Variants in GRAMD4 observed in about 807,000 individuals in gnomAD.
GRAMD4 encodes GRAM domain containing 4.
GRAMD4 carries 25 observed loss-of-function variants against 83.9 expected under a neutral mutation model. The ratio of observed to expected loss-of-function variants is 0.30; its 90% CI spans 0.22 to 0.42. The LOEUF is 0.42. Among genes scored for constraint, GRAMD4 ranks in the 10% least tolerant of loss-of-function variants. The probability of loss-of-function intolerance (pLI) is 1.00; values close to 1 mark genes in which losing one functional copy is unlikely to be tolerated. For missense variants in GRAMD4, 593 were observed against 788.7 expected (o/e 0.75, Z 2.97); for synonymous variants, 336 against 320.9 (o/e 1.05, Z -0.50).
At chr22:46,591,448 A>G (rs1009124581) in intron 1 of GRAMD4, among the ~76,000 whole-genome samples, 11 of 152,170 alleles carry the variant, frequency 7.2e-5, no homozygotes, top group Non-Finnish European at 1.5e-4. Context: ...TGTTTTGGAC[A>G]GATTTACCAA....
chr22:46,648,347 TG>T (rs2082101214), intron 3 of GRAMD4, among the ~76,000 whole-genome samples: 1 of 150,696 alleles, frequency 6.6e-6, no homozygotes, highest in African/African-American at 2.5e-5. Flanking sequence ...GATGGATGGA[TG>T]GATGGATGGA....
intron 1 of GRAMD4, among the ~76,000 whole-genome samples, chr22:46,582,590 A>G (rs2081108898): frequency 6.6e-6 from 1 of 152,044 alleles, no homozygotes; most frequent in Non-Finnish European, 1.5e-5. Flanking sequence ...GCGGCACCTC[A>G]TTATGCCTGG....
chr22:46,672,668 G>A lies in GRAMD4; in HGVS notation c.1085-175G>A, dbSNP rs2082528253. On this transcript the variant is annotated intron_variant, in intron 13 of 18. Transcript: ENST00000406902. The surrounding 1 kb of genome is among the most constrained non-coding windows in gnomAD (Gnocchi z 4.7). ...CTGTGCAGCACGAATGGGCCCCAGG[G>A]GAGCGAGGCTGGGGGTATCCAGGGT... Among the ~76,000 whole-genome samples, 1 of 152,028 alleles carries A rather than the reference G, an allele frequency of 6.6e-6. No homozygotes were observed. Among genetic ancestry groups the A allele is most frequent in the Non-Finnish European group, 1.5e-5 (1 of 67,994 alleles).
At position 46,624,349 on chromosome 22, in the gene GRAMD4, T is replaced by C. The variant is rs796823393; in HGVS notation, c.-49-2402T>C. ...CTTTTTTTTTTTTTTTTTTTTTTTTTCTGAGACGGAGTCTCACTGCCCAGG... is the reference window on the plus strand; with the variant it reads ...CTTTTTTTTTTTTTTTTTTTTTTTTCCTGAGACGGAGTCTCACTGCCCAGG... On this transcript the variant is annotated intron_variant, in intron 1 of 18. Transcript: ENST00000406902. Among the ~76,000 whole-genome samples, 296 of 130,070 alleles carry C rather than the reference T, an allele frequency of 2.3e-3. 1 individual carries two copies. The highest frequency in any genetic ancestry group is 4.0e-3 in the African/African-American group (126 of 31,580). The allele number at this position is 130,070 out of a possible 152,430, so 85.3% of individuals were successfully genotyped here.
chr22:46,625,888 C>T (rs2081650409), intron 1 of GRAMD4, among the ~76,000 whole-genome samples: 2 of 152,224 alleles, frequency 1.3e-5, no homozygotes, highest in South Asian at 2.1e-4. Context: ...GTGTGAATTA[C>T]GCGTGTCCTG....
rs951091824 is a variant in GRAMD4 at position 46,679,334 on chromosome 22, G to A, written c.*2083G>A. 5.1e-6 allele frequency: 5 copies of A among 984,930 alleles called. No individual in the cohort carries two copies. Among genetic ancestry groups the A allele is most frequent in the Admixed American group, 6.1e-5 (1 of 16,268 alleles). 61.0% of individuals were successfully genotyped at this position (984,930 alleles called of 1,614,324 possible). Reference sequence around the variant, plus strand: ...AGAAAGGGAGATGAAAACTGACCACGTGCCAGGTGTGGCCGAAGCCCCCAG... The same window carrying A: ...AGAAAGGGAGATGAAAACTGACCACATGCCAGGTGTGGCCGAAGCCCCCAG... On this transcript the variant is annotated 3_prime_UTR_variant, in exon 19 of 19. Transcript: ENST00000406902.
chr22:46,666,730 C>G, intron 9 of GRAMD4, 95 bp from the exon 10 acceptor site: 1 of 1,072,946 alleles, frequency 9.3e-7, no homozygotes. Flanking sequence ...AGGGCCCCCT[C>G]CAAGCCCAGC....
intron 3 of GRAMD4, among the ~76,000 whole-genome samples, chr22:46,640,827 C>G (rs947476051): frequency 1.5e-4 from 23 of 151,014 alleles, no homozygotes; most frequent in African/African-American, 5.4e-4. Context: ...CCCCGGCCCC[C>G]CGCCCCCCGC....
intron 5 of GRAMD4, among the ~76,000 whole-genome samples, chr22:46,661,661 A>G (rs557436987): frequency 3.3e-5 from 5 of 152,240 alleles, no homozygotes; most frequent in African/African-American, 1.2e-4. Context: ...GTGGTGAGTC[A>G]TCATAGTCGT....
intron 1 of GRAMD4, among the ~76,000 whole-genome samples, chr22:46,605,770 CTGAGCATCTCTGCATGGGCCTATGGCCGG>C (rs2081359280): frequency 6.7e-6 from 1 of 148,420 alleles, no homozygotes; most frequent in African/African-American, 2.5e-5. Context: ...ATGGCCGGTG[CTGAGCATCTCTGCATGGGCCTATGGCCGG>C]TGCTGAGCAT....
chr22:46,655,923 C>T (rs981498501), intron 3 of GRAMD4, among the ~76,000 whole-genome samples: 15 of 152,056 alleles, frequency 9.9e-5, no homozygotes, highest in South Asian at 6.2e-4. Context: ...GGACCTCCGT[C>T]CGCGGAGAAA....
chr22:46,654,741 T>C (rs2082217726), intron 3 of GRAMD4, among the ~76,000 whole-genome samples: 1 of 152,186 alleles, frequency 6.6e-6, no homozygotes, highest in African/African-American at 2.4e-5. Flanking sequence ...CCACTCTCCC[T>C]TCCCCACATC....
At chr22:46,640,806 C>G (rs2081963982) in intron 3 of GRAMD4, among the ~76,000 whole-genome samples, 1 of 151,606 alleles carries the variant, frequency 6.6e-6, no homozygotes, top group Admixed American at 6.6e-5. Flanking sequence ...CTCCCTGCCC[C>G]CAACCCCCTG....
At chr22:46,586,348 G>A (rs2081149815) in intron 1 of GRAMD4, among the ~76,000 whole-genome samples, 1 of 152,150 alleles carries the variant, frequency 6.6e-6, no homozygotes, top group Non-Finnish European at 1.5e-5. Flanking sequence ...GTTGAGATTG[G>A]TGGGCTGGCT....
chr22:46,668,773 G>A lies in GRAMD4; in HGVS notation c.975-26G>A, dbSNP rs140336908. Reference sequence around the variant, plus strand: ...CACCCCGGCCCTGCGGCGCCCGCCCGGCCTGAGCCTCCCGTCTCCTTCCAG... The same window carrying A: ...CACCCCGGCCCTGCGGCGCCCGCCCAGCCTGAGCCTCCCGTCTCCTTCCAG... On this transcript the variant is annotated intron_variant, in intron 12 of 18. Transcript: ENST00000406902. 4.8e-4 allele frequency: 761 copies of A among 1,596,782 alleles called. 3 individuals are homozygous for A. In the African/African-American group the frequency reaches 8.4e-3, roughly 18 times the overall value.
At chr22:46,675,329 C>T (rs1979762753) in intron 16 of GRAMD4, 139 bp from the exon 17 acceptor site, 2 of 704,940 alleles carry the variant, frequency 2.8e-6, no homozygotes, top group African/African-American at 3.5e-5. Context: ...GAGTGTTTCA[C>T]CGGTTCTGTG....
chr22:46,589,951 C>T (rs758047034), intron 1 of GRAMD4, among the ~76,000 whole-genome samples: 1 of 152,238 alleles, frequency 6.6e-6, no homozygotes, highest in Non-Finnish European at 1.5e-5. Context: ...CCCTCGTGGC[C>T]CTCCCTGCTG....
In GRAMD4 at chr22:46,668,807, T is replaced by C. The variant is rs1227609509; in HGVS notation, c.983T>C (p.Met328Thr). The C allele has an allele frequency of 2.0e-6, 3 of 1,483,930 alleles. No homozygotes were observed. The highest frequency in any genetic ancestry group is 1.8e-5 in the Admixed American group (1 of 55,528). The allele number at this position is 1,483,930 out of a possible 1,614,324, so 91.9% of individuals were successfully genotyped here. A position where few individuals can be genotyped will look rare whatever the true frequency, so the allele number is the denominator to read the frequency against. Residue 328 changes from methionine to threonine, a missense_variant, in exon 13 of 19, where the codon ATG becomes ACG. By Grantham distance (81) the Met-to-Thr change is moderately conservative. Around this residue, in one of 4 missense-constraint regions of GRAMD4, gnomAD observed 171 missense variants for 199.6 expected, o/e 0.86. Transcript: ENST00000406902. ...DILEKIKNLFMWVQPEITQKL... is the reference protein window; with the variant it reads ...DILEKIKNLFTWVQPEITQKL... ...CTCCCGTCTCCTTCCAGCTTGTTCA[T>C]GTGGGTCCAGCCGGAGATCACACAG...
chr22:46,672,788 A>G lies in GRAMD4; in HGVS notation c.1085-55A>G. The G allele has an allele frequency of 7.0e-7, 1 of 1,437,074 alleles. No individual in the cohort carries two copies. The highest frequency in any genetic ancestry group is 9.7e-7 in the Non-Finnish European group (1 of 1,033,862). The allele number at this position is 1,437,074 out of a possible 1,614,324, so 89.0% of individuals were successfully genotyped here. On this transcript the variant is annotated intron_variant, in intron 13 of 18. Coordinates refer to ENST00000406902, the MANE Select transcript of GRAMD4 (RefSeq NM_015124.5). This position sits in a 1 kb window ranked among gnomAD's most constrained non-coding sequence, Gnocchi z 4.7. ...AGGTGCCGGAACCATCACCCTGAGT[A>G]GACTGGCATAGCTGCAGAGCTCTAG...
Sources: allele counts gnomAD v4.1 joint callset (sites outside exome capture counted in the v4.1 genomes callset), GRCh38; gene constraint gnomAD v4.1.1; regional missense constraint gnomAD v4.1.1; non-coding constraint Gnocchi (gnomAD v3.1); transcripts MANE v1.5; gene names NCBI Gene and HGNC (gene_info 2026-07-23, HGNC 2026-07-21).